The following GOLM1 variants were observed in gnomAD, a reference collection of about 807,000 sequenced individuals.
GOLM1 encodes the protein golgi membrane protein 1.
Under a neutral mutation model 50.5 loss-of-function variants are expected in GOLM1, and 31 were observed. The ratio of observed to expected loss-of-function variants is 0.61; its 90% CI spans 0.46 to 0.83. GOLM1 has a LOEUF of 0.83. Ranked by LOEUF, GOLM1 falls within the 40% of genes least tolerant of loss-of-function variation. The pLI is 0.00. For synonymous variants in GOLM1, 178 were observed against 192.8 expected (o/e 0.92, Z 0.64); for missense variants, 491 against 501.3 (o/e 0.98, Z 0.20).
chr9:86,063,526 C>T (rs1458737881), intron 3 of GOLM1, among the ~76,000 whole-genome samples: 1 of 152,200 alleles, frequency 6.6e-6, no homozygotes, highest in Non-Finnish European at 1.5e-5. Context: ...AGTCAAGGCA[C>T]CTAACAGACC....
chr9:86,094,710 A>G (rs1221390225), intron 1 of GOLM1, among the ~76,000 whole-genome samples: 1 of 152,178 alleles, frequency 6.6e-6, no homozygotes, highest in African/African-American at 2.4e-5. Flanking sequence ...CAGGAGGATC[A>G]CTTGAGCCCA....
intron 9 of GOLM1, among the ~76,000 whole-genome samples, chr9:86,031,463 T>TG (rs1179075862): frequency 5.9e-4 from 86 of 146,408 alleles, no homozygotes; most frequent in African/African-American, 2.1e-3. Flanking sequence ...TTTTTTTTTT[T>TG]TTTTTTTTTT....
At chr9:86,091,250 T>A (rs1217857751) in intron 1 of GOLM1, among the ~76,000 whole-genome samples, 1 of 152,226 alleles carries the variant, frequency 6.6e-6, no homozygotes, top group Admixed American at 6.5e-5. Flanking sequence ...CCTAATCTTG[T>A]CAATCCTTTA....
chr9:86,071,987 G>C (rs7873490), intron 3 of GOLM1, among the ~76,000 whole-genome samples: 54,869 of 152,102 alleles, frequency 0.36, 12,858 homozygotes, highest in African/African-American at 0.66. Context: ...GTACAGCAGT[G>C]AGAAAGAATG....
intron 3 of GOLM1, among the ~76,000 whole-genome samples, chr9:86,074,859 T>C (rs1834565763): frequency 6.6e-6 from 1 of 152,150 alleles, no homozygotes; most frequent in African/African-American, 2.4e-5. Context: ...CCTCAGTGTC[T>C]TCCTAACTCT....
chr9:86,069,536 C>G (rs1184014119), intron 3 of GOLM1, among the ~76,000 whole-genome samples: 1 of 152,226 alleles, frequency 6.6e-6, no homozygotes, highest in Non-Finnish European at 1.5e-5. Flanking sequence ...TGAGCACAGT[C>G]TGCAGGATTT....
intron 1 of GOLM1, among the ~76,000 whole-genome samples, chr9:86,083,192 T>G (rs1322959072): frequency 6.6e-6 from 1 of 152,216 alleles, no homozygotes; most frequent in Non-Finnish European, 1.5e-5. Flanking sequence ...AAGTCTCTTA[T>G]ATAAAATGGC....
intron 3 of GOLM1, among the ~76,000 whole-genome samples, chr9:86,058,794 C>A (rs1834065742): frequency 6.6e-6 from 1 of 151,346 alleles, no homozygotes; most frequent in Non-Finnish European, 1.5e-5. Flanking sequence ...GTCAGGGGTT[C>A]AAGACCAGCC....
At chr9:86,028,587 G>A (rs775667017) in intron 9 of GOLM1, among the ~76,000 whole-genome samples, 9 of 152,198 alleles carry the variant, frequency 5.9e-5, no homozygotes, top group South Asian at 2.1e-4. Flanking sequence ...CTGTCCTTGC[G>A]ATAAGGCAGA....
chr9:86,065,680 C>G (rs1429904147), intron 3 of GOLM1, among the ~76,000 whole-genome samples: 1 of 152,204 alleles, frequency 6.6e-6, no homozygotes, highest in Non-Finnish European at 1.5e-5. Context: ...CTGGCTCTCA[C>G]TCTCTTCCCC....
At chr9:86,031,189 A>G (rs1278038809) in intron 9 of GOLM1, among the ~76,000 whole-genome samples, 3 of 151,910 alleles carry the variant, frequency 2.0e-5, no homozygotes, top group Admixed American at 1.3e-4. Flanking sequence ...CAGCCTGGGC[A>G]ACAGAGTGAG....
At chr9:86,038,506 A>T (rs1833226413) in intron 6 of GOLM1, among the ~76,000 whole-genome samples, 1 of 152,194 alleles carries the variant, frequency 6.6e-6, no homozygotes, top group South Asian at 2.1e-4. Context: ...GAAGCTACTC[A>T]ACTCCAGCCC....
At chr9:86,098,654 A>C (rs1181190935) in intron 1 of GOLM1, among the ~76,000 whole-genome samples, 2 of 152,284 alleles carry the variant, frequency 1.3e-5, no homozygotes, top group Non-Finnish European at 2.9e-5. Context: ...TTGCTAAAAA[A>C]TTTCATCAAA....
intron 4 of GOLM1, among the ~76,000 whole-genome samples, chr9:86,046,791 AGCT>A (rs1833560275): frequency 1.3e-5 from 2 of 152,192 alleles, no homozygotes; most frequent in African/African-American, 2.4e-5. Context: ...AGCCGAAAGA[AGCT>A]GCGTCTTGAT....
chr9:86,053,572 A>C (rs1325966129), intron 3 of GOLM1, among the ~76,000 whole-genome samples: 103 of 79,990 alleles, frequency 1.3e-3, no homozygotes, highest in East Asian at 7.5e-3. Flanking sequence ...CACACACATC[A>C]CACACACCAC....
At chr9:86,094,384 T>C (rs1159490203) in intron 1 of GOLM1, among the ~76,000 whole-genome samples, 1 of 152,228 alleles carries the variant, frequency 6.6e-6, no homozygotes, top group Non-Finnish European at 1.5e-5. Context: ...AAGGTCACTG[T>C]GTTCTGCTTA....
chr9:86,032,007 C>A (rs4877308), intron 9 of GOLM1, among the ~76,000 whole-genome samples: 2 of 150,276 alleles, frequency 1.3e-5, no homozygotes, highest in African/African-American at 4.9e-5. Flanking sequence ...CCACCACTCA[C>A]CTTACCGAGG....
Position 86,079,438 on chromosome 9 carries a change from C to A in GOLM1, c.-21-97G>T, listed in dbSNP as rs891265450. 11 of 1,008,306 alleles carry A rather than the reference C, an allele frequency of 1.1e-5. 1 individual carries two copies. The South Asian group carries it at 1.8e-4, about 17-fold the overall frequency. 62.5% of individuals were successfully genotyped at this position (1,008,306 alleles called of 1,614,324 possible). On this transcript the variant is annotated intron_variant, in intron 1 of 9. Coordinates refer to ENST00000388712, the MANE Select transcript of GOLM1 (RefSeq NM_016548.4). ...TACAACCAAGAGGAAAGGAGTCTTG[C>A]CAAGAAGCGTGGGCTGGTAGCTTCT...
chr9:86,072,648 ATT>A (rs1834481779), intron 3 of GOLM1, among the ~76,000 whole-genome samples: 2 of 152,240 alleles, frequency 1.3e-5, no homozygotes, highest in Admixed American at 6.5e-5. Flanking sequence ...CATTAACTCA[ATT>A]ACTTTGTAAC....
Sources: gnomAD v4.1 joint callset for allele counts (sites outside exome capture counted in the v4.1 genomes callset) on GRCh38, gnomAD v4.1.1 for gene constraint, MANE v1.5 for transcripts, NCBI Gene and HGNC (gene_info 2026-07-23, HGNC 2026-07-21) for gene names.